LYRM4: variants seen among roughly 807,000 people sequenced by gnomAD.
LYRM4 encodes the protein LYR motif-containing protein 4.
In LYRM4, 9 loss-of-function variants were observed where a neutral mutation model predicts 11.7. The ratio of observed to expected loss-of-function variants is 0.77; its 90% CI spans 0.46 to 1.34. The LOEUF is 1.34. Among genes scored for constraint, LYRM4 ranks in the 40% most tolerant of loss-of-function variants. The probability of loss-of-function intolerance (pLI) is 0.00; values close to 1 mark genes in which losing one functional copy is unlikely to be tolerated. For synonymous variants in LYRM4, 42 were observed against 40.4 expected, an observed-to-expected ratio of 1.04 and a Z score of -0.15; for missense variants, 133 against 112.5, an observed-to-expected ratio of 1.18 and a Z score of -0.82.
intron 2 of LYRM4, among the ~76,000 whole-genome samples, chr6:5,177,769 A>G (rs1759806273): frequency 6.6e-6 from 1 of 152,224 alleles, no homozygotes; most frequent in African/African-American, 2.4e-5. Context: ...GTTATCACAC[A>G]TAGCAGTGTC....
Position 5,171,496 on chromosome 6 carries a change from T to G in LYRM4, c.207+45122A>C, listed in dbSNP as rs373274105. ...ACATCAAACAAAAATAAATGATTCC[T>G]GGTGTGTGTGTTAGGGGAAGTGGTG... On this transcript the variant is annotated intron_variant, in intron 2 of 2. Coordinates refer to ENST00000330636, the MANE Select transcript of LYRM4 (RefSeq NM_020408.6). 7.9e-5 allele frequency among the ~76,000 whole-genome samples: 12 copies of G among 152,302 alleles called. No homozygotes were observed. The East Asian group carries it at 1.9e-3, about 24-fold the overall frequency.
At chr6:5,181,665 T>C (rs943455788) in intron 2 of LYRM4, among the ~76,000 whole-genome samples, 5 of 152,138 alleles carry the variant, frequency 3.3e-5, no homozygotes, top group African/African-American at 9.7e-5. Flanking sequence ...CCACGGGCCA[T>C]GCTCAACTGG....
chr6:5,191,447 A>C (rs1339357523), intron 2 of LYRM4, among the ~76,000 whole-genome samples: 2 of 152,200 alleles, frequency 1.3e-5, no homozygotes, highest in Admixed American at 6.5e-5. Flanking sequence ...ATATGACTCA[A>C]AGATAAGGCC....
the LYRM4 span, among the ~76,000 whole-genome samples, chr6:5,073,536 T>C: frequency 1.4e-5 from 2 of 148,136 alleles, no homozygotes; most frequent in African/African-American, 4.9e-5. Context: ...GTATATCCTA[T>C]ACTATATAGG....
At chr6:5,036,808 C>G in the LYRM4 span, among the ~76,000 whole-genome samples, 1 of 152,182 alleles carries the variant, frequency 6.6e-6, no homozygotes, top group Non-Finnish European at 1.5e-5. Flanking sequence ...ACACAGTCCA[C>G]TTTCTCAGGA....
chr6:5,113,984 T>A (rs1035941613), intron 2 of LYRM4, among the ~76,000 whole-genome samples: 2 of 152,234 alleles, frequency 1.3e-5, no homozygotes, highest in African/African-American at 4.8e-5. Context: ...ATCTCTCCAT[T>A]TTCCTTATGG....
At chr6:5,166,932 T>C (rs1349615395) in intron 2 of LYRM4, among the ~76,000 whole-genome samples, 2 of 152,108 alleles carry the variant, frequency 1.3e-5, no homozygotes, top group Non-Finnish European at 2.9e-5. Context: ...TCAAACCAAA[T>C]CAGTCTTGAA....
chr6:5,083,042 G>T, the LYRM4 span, among the ~76,000 whole-genome samples: 155 of 152,300 alleles, frequency 1.0e-3, no homozygotes, highest in Non-Finnish European at 1.9e-3. Context: ...GAGCTCCCCG[G>T]GGGTGGGACC....
chr6:5,099,327 C>T (rs1289040976), downstream of LYRM4, among the ~76,000 whole-genome samples: 5 of 151,820 alleles, frequency 3.3e-5, no homozygotes, highest in Non-Finnish European at 5.9e-5. This position sits in a 1 kb window ranked among gnomAD's most constrained non-coding sequence, Gnocchi z 4.3. Context: ...CTCAGCCTCC[C>T]GAGTAGCTGG....
chr6:5,245,172 T>A (rs1764139469), intron 1 of LYRM4, among the ~76,000 whole-genome samples: 7 of 87,222 alleles, frequency 8.0e-5, no homozygotes, highest in African/African-American at 1.7e-4. Flanking sequence ...ATAAAATAGG[T>A]GAATTTCTGG....
chr6:5,217,666 T>C (rs1323458862), intron 1 of LYRM4, among the ~76,000 whole-genome samples: 2 of 152,280 alleles, frequency 1.3e-5, no homozygotes, highest in African/African-American at 2.4e-5. Flanking sequence ...ATGCAATTAC[T>C]GTTCCCTCTC....
chr6:5,258,274 C>G (rs1441657530), intron 1 of LYRM4, among the ~76,000 whole-genome samples: 1 of 152,220 alleles, frequency 6.6e-6, no homozygotes, highest in East Asian at 1.9e-4. Context: ...ACTCTAATTA[C>G]TTAAGGCACA....
chr6:5,033,607 C>T, the LYRM4 span: 2 of 152,372 alleles, frequency 1.3e-5, no homozygotes, highest in Non-Finnish European at 2.9e-5. Flanking sequence ...TAACCAGTCT[C>T]CCGTCTTCCT....
chr6:5,165,860 T>C (rs1365158748), intron 2 of LYRM4, among the ~76,000 whole-genome samples: 2 of 152,170 alleles, frequency 1.3e-5, no homozygotes, highest in Non-Finnish European at 2.9e-5. Context: ...CAAGTTTATA[T>C]CCTTTTAGTT....
chr6:5,058,512 C>T, the LYRM4 span, among the ~76,000 whole-genome samples: 6 of 152,216 alleles, frequency 3.9e-5, no homozygotes, highest in South Asian at 2.1e-4. Flanking sequence ...AGTGGTTCCC[C>T]GCTTCAGCCT....
At position 5,260,768 on chromosome 6, in the gene LYRM4, G is replaced by A; in HGVS notation, c.-35C>T. ...AAAAAAAAATAAACGGGTCCTCTTC[G>A]CCGAGGTCCCAAGTACGACCCAACC... On this transcript the variant is annotated 5_prime_UTR_variant, in exon 1 of 3. Coordinates refer to ENST00000330636, the MANE Select transcript of LYRM4 (RefSeq NM_020408.6). 2.0e-6 allele frequency: 3 copies of A among 1,538,186 alleles called. No individual in the cohort carries two copies. The highest frequency in any genetic ancestry group is 2.6e-6 in the Non-Finnish European group (3 of 1,146,424).
At chr6:5,117,561 T>C (rs1477876403) in intron 2 of LYRM4, among the ~76,000 whole-genome samples, 3 of 150,444 alleles carry the variant, frequency 2.0e-5, no homozygotes, top group Non-Finnish European at 4.4e-5. Context: ...AAAAAAAAAA[T>C]TGTTCTCCTG....
chr6:5,227,685 G>A (rs1009784866), intron 1 of LYRM4, among the ~76,000 whole-genome samples: 3 of 152,112 alleles, frequency 2.0e-5, no homozygotes, highest in South Asian at 4.1e-4. Context: ...ACATGCACAC[G>A]TATGTTTACT....
intron 1 of LYRM4, among the ~76,000 whole-genome samples, chr6:5,245,490 G>T (rs973640191): frequency 7.9e-5 from 12 of 152,046 alleles, no homozygotes; most frequent in African/African-American, 2.9e-4. Flanking sequence ...TGAAAATGTG[G>T]CAAGAGTGAT....
Sources: allele counts gnomAD v4.1 joint callset (sites outside exome capture counted in the v4.1 genomes callset), GRCh38; gene constraint gnomAD v4.1.1; non-coding constraint Gnocchi (gnomAD v3.1); transcripts MANE v1.5; gene names NCBI Gene and HGNC (gene_info 2026-07-23, HGNC 2026-07-21).